Variants in MAP2K5 observed in about 807,000 individuals in gnomAD.
MAP2K5 encodes the protein dual specificity mitogen-activated protein kinase kinase 5.
A neutral mutation model predicts 83.1 loss-of-function variants in MAP2K5; 49 were observed. The observed-to-expected ratio is 0.59, with a 90% CI of 0.47 to 0.75. The LOEUF (loss-of-function observed/expected upper bound fraction) is 0.75, where lower values mean the gene tolerates loss of function less well. Ranked by LOEUF, MAP2K5 falls within the 30% of genes least tolerant of loss-of-function variation. The probability of loss-of-function intolerance (pLI) is 0.00; values close to 1 mark genes in which losing one functional copy is unlikely to be tolerated. For synonymous variants in MAP2K5, 202 were observed against 191.8 expected, an observed-to-expected ratio of 1.05 and a Z score of -0.44; for missense variants, 457 against 557.5, an observed-to-expected ratio of 0.82 and a Z score of 1.82.
chr15:67,636,294 G>A lies in MAP2K5; in HGVS notation c.585+5367G>A, dbSNP rs2086602307. Among the ~76,000 whole-genome samples, 1 of 151,996 alleles carries A rather than the reference G, an allele frequency of 6.6e-6. No individual in the cohort carries two copies. The highest frequency in any genetic ancestry group is 1.5e-5 in the Non-Finnish European group (1 of 67,998). On this transcript the variant is annotated intron_variant, in intron 9 of 21. Transcript: ENST00000178640. This position sits in a 1 kb window ranked among gnomAD's most constrained non-coding sequence, Gnocchi z 4.7. ...GTGGTGTCGGGCGCTTGTAGTCCCA[G>A]CTACTCAGGAGGCTGAAGCAGGAGA...
rs374299556 is a variant in MAP2K5 at position 67,684,709 on chromosome 15, A to G, written c.848-7770A>G. On this transcript the variant is annotated intron_variant, in intron 13 of 21. Transcript: ENST00000178640. ...TTAGAATAGTTATTATAAAAACTAT[A>G]TATGTCCAAGGAATTCATAGGAAAC... 1.2e-4 allele frequency among the ~76,000 whole-genome samples: 18 copies of G among 152,370 alleles called. 1 individual carries two copies. Among genetic ancestry groups the G allele is most frequent in the East Asian group, 3.9e-4 (2 of 5,188 alleles).
chr15:67,664,564 A>G, intron 12 of MAP2K5, 33 bp from the exon 13 acceptor site: 1 of 1,326,492 alleles, frequency 7.5e-7, no homozygotes, highest in South Asian at 1.2e-5. Context: ...ACCATAATTG[A>G]TAATTGTACT....
chr15:67,620,396 A>G (rs2086154975), intron 8 of MAP2K5, among the ~76,000 whole-genome samples: 1 of 152,136 alleles, frequency 6.6e-6, no homozygotes, highest in African/African-American at 2.4e-5. Flanking sequence ...ACAAAAAACC[A>G]CTACTGATAA....
chr15:67,654,470 T>C (rs191198971), intron 11 of MAP2K5, among the ~76,000 whole-genome samples: 24 of 152,180 alleles, frequency 1.6e-4, no homozygotes, highest in African/African-American at 5.3e-4. Context: ...ATCATTTTTT[T>C]AAAAATCAAT....
At chr15:67,751,095 A>G (rs16951227) in intron 19 of MAP2K5, among the ~76,000 whole-genome samples, 16,055 of 152,034 alleles carry the variant, frequency 0.11, 914 homozygotes, top group Admixed American at 0.11. Context: ...CAGTCCTGGA[A>G]TGGCCAAAGA....
Position 67,786,866 on chromosome 15 carries a change from A to T in MAP2K5, c.1242+14114A>T, listed in dbSNP as rs535163248. 6.6e-6 allele frequency among the ~76,000 whole-genome samples: 1 copy of T among 152,390 alleles called. No homozygotes were observed. The highest frequency in any genetic ancestry group is 3.4e-3 in the Middle Eastern group (1 of 294). On this transcript the variant is annotated intron_variant, in intron 21 of 21. Transcript: ENST00000178640. This position sits in a 1 kb window ranked among gnomAD's most constrained non-coding sequence, Gnocchi z 4.7. ...TGTTCAATAAATGGTAACCATTTTT[A>T]TCGTCATTGTCATCATCATCACTGC...
At chr15:67,549,099 T>C in intron 1 of MAP2K5, 3 of 1,533,684 alleles carry the variant, frequency 2.0e-6, no homozygotes, top group Non-Finnish European at 2.6e-6. Context: ...CTGGTGCCAG[T>C]TCTGCTGCAG....
In MAP2K5 at chr15:67,623,887, G is replaced by A. The variant is rs545982224; in HGVS notation, c.546-7001G>A. Among the ~76,000 whole-genome samples, 6 of 150,996 alleles carry A rather than the reference G, an allele frequency of 4.0e-5. No individual in the cohort carries two copies. The East Asian group carries it at 9.9e-4, about 25-fold the overall frequency. ...GCTGGGATTACAGGTGTGAGCCACC[G>A]CCCCCGGCTACTTCCTACCTTCCTA... On this transcript the variant is annotated intron_variant, in intron 8 of 21. Coordinates refer to ENST00000178640, the MANE Select transcript of MAP2K5 (RefSeq NM_145160.3).
At chr15:67,798,505 G>A (rs775437535) in intron 21 of MAP2K5, among the ~76,000 whole-genome samples, 1 of 152,140 alleles carries the variant, frequency 6.6e-6, no homozygotes, top group Non-Finnish European at 1.5e-5. Context: ...CTGGTCCTGC[G>A]GCTGCTCTGT....
intron 16 of MAP2K5, among the ~76,000 whole-genome samples, chr15:67,709,161 A>T (rs1183574493): frequency 6.6e-6 from 1 of 152,210 alleles, no homozygotes; most frequent in Non-Finnish European, 1.5e-5. Flanking sequence ...TGGATTAGTT[A>T]TGGAATCATT....
rs554115940 is a variant in MAP2K5, at chr15:67,644,334, C to T, written c.586-1897C>T. Among the ~76,000 whole-genome samples, 1 of 152,234 alleles carries T rather than the reference C, an allele frequency of 6.6e-6. No individual in the cohort carries two copies. Among genetic ancestry groups the T allele is most frequent in the African/African-American group, 2.4e-5 (1 of 41,548 alleles). ...GCTTGAACCCGGGAGGCGGAGGTTG[C>T]AGTGAGCCAAGATCGCGCCACTACA... On this transcript the variant is annotated intron_variant, in intron 9 of 21. Transcript: ENST00000178640. The surrounding 1 kb of genome is among the most constrained non-coding windows in gnomAD (Gnocchi z 4.6).
At chr15:67,670,325 G>T (rs2087496899) in intron 13 of MAP2K5, 11 of 445,120 alleles carry the variant, frequency 2.5e-5, no homozygotes, top group Non-Finnish European at 4.5e-5. Flanking sequence ...TGGAGGAGGA[G>T]TTGACTGTAA....
chr15:67,667,758 G>C (rs1427224544), intron 13 of MAP2K5, among the ~76,000 whole-genome samples: 2 of 152,110 alleles, frequency 1.3e-5, no homozygotes, highest in African/African-American at 4.8e-5. Flanking sequence ...ACTATTTCTC[G>C]CATTTATATG....
chr15:67,638,317 G>A lies in MAP2K5; in HGVS notation c.585+7390G>A, dbSNP rs1421113500. 1.3e-5 allele frequency among the ~76,000 whole-genome samples: 2 copies of A among 152,158 alleles called. No individual in the cohort carries two copies. The highest frequency in any genetic ancestry group is 2.9e-5 in the Non-Finnish European group (2 of 68,038). ...AGCTCCCACTTATAAGTGAGAACAT[G>A]TGGTATTCGGTTTCCTGTTCTTGTG... On this transcript the variant is annotated intron_variant, in intron 9 of 21. Transcript: ENST00000178640. This position sits in a 1 kb window ranked among gnomAD's most constrained non-coding sequence, Gnocchi z 4.5.
chr15:67,645,314 A>C (rs968637219), intron 9 of MAP2K5, among the ~76,000 whole-genome samples: 2 of 151,966 alleles, frequency 1.3e-5, no homozygotes, highest in African/African-American at 4.8e-5. Context: ...CCCCATCTCT[A>C]CCAAAAATGC....
At chr15:67,612,564 T>C (rs1034232677) in intron 8 of MAP2K5, among the ~76,000 whole-genome samples, 3 of 152,164 alleles carry the variant, frequency 2.0e-5, no homozygotes, top group Non-Finnish European at 2.9e-5. Context: ...CTGGATGGTA[T>C]AAGATATGAT....
At chr15:67,550,746 G>C (rs1477664680) in intron 2 of MAP2K5, among the ~76,000 whole-genome samples, 1 of 149,984 alleles carries the variant, frequency 6.7e-6, no homozygotes, top group East Asian at 2.0e-4. Context: ...TTTAAGATGA[G>C]GGCTACTTTT....
chr15:67,654,861 G>C (rs1264849711), intron 11 of MAP2K5, among the ~76,000 whole-genome samples: 1 of 152,062 alleles, frequency 6.6e-6, no homozygotes, highest in Non-Finnish European at 1.5e-5. Flanking sequence ...AGGAGTTCAA[G>C]ATTAGCCTGG....
At chr15:67,721,986 T>A (rs779951794) in intron 16 of MAP2K5, among the ~76,000 whole-genome samples, 9 of 152,160 alleles carry the variant, frequency 5.9e-5, no homozygotes, top group Non-Finnish European at 1.3e-4. Context: ...TAAAACAAAC[T>A]AATTGTCTTT....
Sources: gnomAD v4.1 joint callset for allele counts (sites outside exome capture counted in the v4.1 genomes callset) on GRCh38, gnomAD v4.1.1 for gene constraint, Gnocchi (gnomAD v3.1) non-coding constraint, MANE v1.5 for transcripts, NCBI Gene and HGNC (gene_info 2026-07-23, HGNC 2026-07-21) for gene names.